The following PLCXD3 variants were observed in gnomAD, a reference collection of about 807,000 sequenced individuals.
PLCXD3 encodes PI-PLC X domain-containing protein 3.
Under a neutral mutation model 25.5 loss-of-function variants are expected in PLCXD3, and 19 were observed. The ratio of observed to expected loss-of-function variants is 0.75; its 90% confidence interval spans 0.52 to 1.09. The LOEUF (loss-of-function observed/expected upper bound fraction) is 1.09, where lower values mean the gene tolerates loss of function less well. Ranked by LOEUF, PLCXD3 falls within the 50% of genes least tolerant of loss-of-function variation. The pLI is 0.00. For missense variants in PLCXD3, 411 were observed against 388.1 expected, an observed-to-expected ratio of 1.06 and a Z score of -0.50; for synonymous variants, 174 against 137.6, an observed-to-expected ratio of 1.26 and a Z score of -1.85.
chr5:41,475,757 G>A, intron 1 of PLCXD3: 1 of 533,908 alleles, frequency 1.9e-6, no homozygotes, highest in Non-Finnish European at 3.9e-6. Flanking sequence ...GTTACTACTT[G>A]AGACCATCAT....
chr5:41,315,954 G>A (rs992213372), intron 2 of PLCXD3, among the ~76,000 whole-genome samples: 3 of 152,160 alleles, frequency 2.0e-5, no homozygotes, highest in African/African-American at 7.2e-5. Flanking sequence ...GTGTCTCCAA[G>A]TAAATTTGAA....
At chr5:41,326,803 C>T (rs1743640549) in intron 2 of PLCXD3, among the ~76,000 whole-genome samples, 1 of 152,090 alleles carries the variant, frequency 6.6e-6, no homozygotes, top group South Asian at 2.1e-4. Flanking sequence ...CCAGTACCTG[C>T]CCATTAAAAT....
At chr5:41,421,687 C>T (rs1001074622) in intron 1 of PLCXD3, among the ~76,000 whole-genome samples, 1 of 151,998 alleles carries the variant, frequency 6.6e-6, no homozygotes, top group Non-Finnish European at 1.5e-5. Flanking sequence ...GGCGAAAGAG[C>T]GAGACTCCTT....
intron 2 of PLCXD3, among the ~76,000 whole-genome samples, chr5:41,333,519 G>A (rs72755967): frequency 0.085 from 12,859 of 152,148 alleles, 831 homozygotes; most frequent in East Asian, 0.35. Context: ...AGACAAATGT[G>A]TGTCATAAAT....
intron 2 of PLCXD3, among the ~76,000 whole-genome samples, chr5:41,342,009 G>A (rs943956662): frequency 3.9e-5 from 6 of 152,080 alleles, no homozygotes; most frequent in Non-Finnish European, 5.9e-5. Flanking sequence ...TGGATCATAC[G>A]GCTGTGATCT....
chr5:41,500,564 G>C (rs1217180415), intron 1 of PLCXD3, among the ~76,000 whole-genome samples: 3 of 150,318 alleles, frequency 2.0e-5, no homozygotes, highest in Non-Finnish European at 3.0e-5. Flanking sequence ...TATATTATAT[G>C]CACACACACA....
chr5:41,374,689 CT>C (rs1157119798), intron 2 of PLCXD3, among the ~76,000 whole-genome samples: 2 of 152,028 alleles, frequency 1.3e-5, no homozygotes, highest in African/African-American at 4.8e-5. Flanking sequence ...GGAACACTGG[CT>C]TTCCATAGTC....
intron 2 of PLCXD3, among the ~76,000 whole-genome samples, chr5:41,343,553 C>T (rs944032876): frequency 2.0e-5 from 3 of 152,134 alleles, no homozygotes; most frequent in African/African-American, 4.8e-5. Context: ...CTAACCCCAA[C>T]AGGTGGTTTC....
intron 2 of PLCXD3, among the ~76,000 whole-genome samples, chr5:41,356,041 G>T (rs1418004494): frequency 6.6e-6 from 1 of 152,046 alleles, no homozygotes; most frequent in Non-Finnish European, 1.5e-5. Flanking sequence ...GAGGTGTGTG[G>T]ATCGCCTGAG....
At chr5:41,507,708 A>G (rs746855479) in intron 1 of PLCXD3, among the ~76,000 whole-genome samples, 5 of 152,204 alleles carry the variant, frequency 3.3e-5, no homozygotes, top group African/African-American at 7.2e-5. Context: ...GACAACCTGA[A>G]GCTTTGAGGA....
chr5:41,389,398 A>G (rs758275699), intron 1 of PLCXD3, among the ~76,000 whole-genome samples: 20 of 152,154 alleles, frequency 1.3e-4, no homozygotes, highest in Non-Finnish European at 2.4e-4. Flanking sequence ...TCCTCCAGAT[A>G]CCAACACAGA....
chr5:41,381,696 G>T, intron 2 of PLCXD3, 130 bp downstream of exon 2: 2 of 740,740 alleles, frequency 2.7e-6, no homozygotes, highest in Non-Finnish European at 4.3e-6. Flanking sequence ...AACCCAATTA[G>T]TGGTACTTTG....
chr5:41,364,133 T>C (rs183847843), intron 2 of PLCXD3, among the ~76,000 whole-genome samples: 1 of 152,038 alleles, frequency 6.6e-6, no homozygotes, highest in Admixed American at 6.6e-5. Flanking sequence ...TTTTTTTCAG[T>C]CATAACTCAG....
intron 1 of PLCXD3, among the ~76,000 whole-genome samples, chr5:41,402,469 A>C (rs1182830452): frequency 6.6e-6 from 1 of 151,522 alleles, no homozygotes; most frequent in Non-Finnish European, 1.5e-5. Context: ...ATTCTTACAA[A>C]TTTATTGATA....
intron 1 of PLCXD3, among the ~76,000 whole-genome samples, chr5:41,488,973 C>T (rs1357951946): frequency 1.3e-5 from 2 of 151,992 alleles, no homozygotes; most frequent in Non-Finnish European, 2.9e-5. Flanking sequence ...GTTGCCATTG[C>T]TTTTGGTGTT....
intron 1 of PLCXD3, among the ~76,000 whole-genome samples, chr5:41,390,413 A>C (rs983776093): frequency 6.6e-6 from 1 of 152,088 alleles, no homozygotes; most frequent in African/African-American, 2.4e-5. Flanking sequence ...TATTTGTTTT[A>C]CCTTTTAAGA....
intron 1 of PLCXD3, among the ~76,000 whole-genome samples, chr5:41,504,235 G>A (rs1398241763): frequency 6.6e-6 from 1 of 152,052 alleles, no homozygotes; most frequent in Non-Finnish European, 1.5e-5. Flanking sequence ...TTTACTTATA[G>A]GAAAAATCAA....
intron 1 of PLCXD3, among the ~76,000 whole-genome samples, chr5:41,399,361 A>G (rs940393411): frequency 3.3e-5 from 5 of 152,328 alleles, no homozygotes; most frequent in Admixed American, 3.3e-4. Flanking sequence ...ATGTATATGG[A>G]ACCACAAAAG....
Position 41,481,138 on chromosome 5 carries a change from G to GA in PLCXD3, c.103+29285dup, listed in dbSNP as rs543319027. Among the ~76,000 whole-genome samples, 94 of 148,012 alleles carry GA rather than the reference G, an allele frequency of 6.4e-4. 1 individual carries two copies. In the South Asian group the frequency reaches 0.02, roughly 32 times the overall value. ...AAAAAAAAAAAAAAAGAAAGGAAGG[G>GA]AAAAAAAGCTTGGACATGGAAATCC... On this transcript the variant is annotated intron_variant, in intron 1 of 2. Transcript: ENST00000377801.
Sources: allele counts gnomAD v4.1 joint callset (sites outside exome capture counted in the v4.1 genomes callset), GRCh38; gene constraint gnomAD v4.1.1; transcripts MANE v1.5; gene names NCBI Gene and HGNC (gene_info 2026-07-23, HGNC 2026-07-21).